The following SPIRE1 variants were observed in gnomAD, a reference collection of about 807,000 sequenced individuals.
SPIRE1 encodes the protein protein spire homolog 1.
In SPIRE1, 40 loss-of-function variants were observed where a neutral mutation model predicts 94.1. That is an observed-to-expected ratio of 0.43 (90% CI 0.33 to 0.55). SPIRE1 has a LOEUF of 0.55. Ranked by LOEUF, SPIRE1 falls within the 20% of genes least tolerant of loss-of-function variation. The pLI is 0.06. For missense variants in SPIRE1, 838 were observed against 975.2 expected, an observed-to-expected ratio of 0.86 and a Z score of 1.87; for synonymous variants, 376 against 371.7, an observed-to-expected ratio of 1.01 and a Z score of -0.13.
At chr18:12,604,399 T>C (rs2036916636) in intron 2 of SPIRE1, among the ~76,000 whole-genome samples, 1 of 152,138 alleles carries the variant, frequency 6.6e-6, no homozygotes, top group South Asian at 2.1e-4. Context: ...CACACACTTC[T>C]TGGTGAGCAG....
At chr18:12,587,574 A>G (rs2036420727) in intron 2 of SPIRE1, among the ~76,000 whole-genome samples, 1 of 152,136 alleles carries the variant, frequency 6.6e-6, no homozygotes, top group Non-Finnish European at 1.5e-5. Flanking sequence ...GCCCATTAGA[A>G]ATCAGTCCCA....
At chr18:12,543,358 C>G (rs375060960) in intron 3 of SPIRE1, among the ~76,000 whole-genome samples, 10 of 152,196 alleles carry the variant, frequency 6.6e-5, no homozygotes, top group South Asian at 4.1e-4. Context: ...CATTACTGCC[C>G]ACTGCAGCCT....
intron 1 of SPIRE1, among the ~76,000 whole-genome samples, chr18:12,646,167 A>G (rs1426213079): frequency 2.0e-5 from 3 of 151,884 alleles, no homozygotes; most frequent in Non-Finnish European, 4.4e-5. Context: ...CACATCTCCA[A>G]GCCTTTCCAC....
chr18:12,513,489 C>CTTTATTTATTTA (rs10580270), intron 4 of SPIRE1, among the ~76,000 whole-genome samples: 2 of 142,852 alleles, frequency 1.4e-5, no homozygotes, highest in African/African-American at 5.2e-5. Flanking sequence ...GAATACTTAA[C>CTTTATTTATTTA]TTTATTTATT....
intron 4 of SPIRE1, among the ~76,000 whole-genome samples, chr18:12,520,240 AAAG>A (rs1317678268): frequency 6.6e-6 from 1 of 152,240 alleles, no homozygotes; most frequent in African/African-American, 2.4e-5. Context: ...CAAAGATAAA[AAAG>A]AAATTAATAA....
At chr18:12,518,727 A>C (rs1329082240) in intron 4 of SPIRE1, among the ~76,000 whole-genome samples, 2 of 152,120 alleles carry the variant, frequency 1.3e-5, no homozygotes, top group East Asian at 1.9e-4. Flanking sequence ...ACAAAAAAAA[A>C]CAAAGAAATT....
chr18:12,516,584 C>G (rs2034201497), intron 4 of SPIRE1, among the ~76,000 whole-genome samples: 1 of 152,164 alleles, frequency 6.6e-6, no homozygotes, highest in African/African-American at 2.4e-5. Context: ...CAATACATCT[C>G]TCCCCTACTC....
chr18:12,578,286 T>G (rs9954529), intron 2 of SPIRE1, among the ~76,000 whole-genome samples: 9 of 152,192 alleles, frequency 5.9e-5, no homozygotes, highest in Admixed American at 2.6e-4. Context: ...CACCCAAAAC[T>G]GTAAATAACC....
chr18:12,454,554 G>C, intron 12 of SPIRE1, 71 bp from the exon 13 acceptor site: 1 of 1,433,854 alleles, frequency 7.0e-7, no homozygotes, highest in Non-Finnish European at 9.8e-7. Context: ...TTTCCCTTCA[G>C]ATCAGACCCC....
intron 4 of SPIRE1, among the ~76,000 whole-genome samples, chr18:12,532,035 C>T (rs1271551464): frequency 6.6e-6 from 1 of 152,144 alleles, no homozygotes; most frequent in East Asian, 1.9e-4. Flanking sequence ...TATCAAATTT[C>T]TTAGGAGACA....
At chr18:12,635,241 T>C in intron 1 of SPIRE1, 145 bp from the exon 2 acceptor site, 2 of 484,602 alleles carry the variant, frequency 4.1e-6, no homozygotes, top group Non-Finnish European at 7.4e-6. Flanking sequence ...TGACCAAATA[T>C]CCCTGAAGGT....
chr18:12,576,545 GCACTCCAGCCTGGGCATC>G (rs764723010), intron 2 of SPIRE1, among the ~76,000 whole-genome samples: 115 of 129,280 alleles, frequency 8.9e-4, no homozygotes, highest in Admixed American at 1.7e-3. Context: ...TCGTGCCACT[GCACTCCAGCCTGGGCATC>G]AGAAGGAGAC....
At chr18:12,462,444 G>A (rs1568184917) in intron 12 of SPIRE1, among the ~76,000 whole-genome samples, 2 of 152,154 alleles carry the variant, frequency 1.3e-5, no homozygotes, top group African/African-American at 2.4e-5. Flanking sequence ...GAAGCCAAGT[G>A]GCGCTACAAA....
chr18:12,575,768 A>C (rs1348605843), intron 2 of SPIRE1, among the ~76,000 whole-genome samples: 4 of 152,252 alleles, frequency 2.6e-5, no homozygotes, highest in Non-Finnish European at 4.4e-5. Flanking sequence ...GTAAAGGTCT[A>C]AGTAAATGGA....
intron 2 of SPIRE1, among the ~76,000 whole-genome samples, chr18:12,623,893 G>A (rs908083193): frequency 2.6e-5 from 4 of 151,596 alleles, no homozygotes; most frequent in South Asian, 2.1e-4. Context: ...CTTCCAAAGT[G>A]CTGGGATTAC....
intron 2 of SPIRE1, among the ~76,000 whole-genome samples, chr18:12,593,560 A>G (rs1034411813): frequency 6.6e-6 from 1 of 152,228 alleles, no homozygotes; most frequent in African/African-American, 2.4e-5. Flanking sequence ...TTCCCGCTAT[A>G]TACCCAGCAT....
chr18:12,489,167 G>A (rs1368866921), intron 8 of SPIRE1, among the ~76,000 whole-genome samples: 1 of 152,102 alleles, frequency 6.6e-6, no homozygotes, highest in African/African-American at 2.4e-5. Context: ...CAGCCTGGGA[G>A]ACAGTGCGAG....
chr18:12,661,264 C>T (rs1310319530), upstream of SPIRE1: 4 of 500,158 alleles, frequency 8.0e-6, no homozygotes, highest in Admixed American at 6.4e-5. Context: ...GCCGAGATCA[C>T]GCCATTGCAC....
chr18:12,482,341 C>T (rs1332944425), intron 9 of SPIRE1, among the ~76,000 whole-genome samples: 4 of 152,026 alleles, frequency 2.6e-5, no homozygotes, highest in African/African-American at 4.8e-5. Flanking sequence ...GTCGAGGTTT[C>T]GCCATGTTGG....
Sources: gnomAD v4.1 joint callset for allele counts (sites outside exome capture counted in the v4.1 genomes callset) on GRCh38, gnomAD v4.1.1 for gene constraint, MANE v1.5 for transcripts, NCBI Gene and HGNC (gene_info 2026-07-23, HGNC 2026-07-21) for gene names.